Variants in ANO10 observed in about 807,000 individuals in gnomAD.
ANO10 encodes the protein anoctamin 10.
Under a neutral mutation model 74.7 loss-of-function variants are expected in ANO10, and 77 were observed. The observed-to-expected ratio is 1.03, with a 90% CI of 0.86 to 1.25. The LOEUF (loss-of-function observed/expected upper bound fraction) is 1.25, where lower values mean the gene tolerates loss of function less well. Among genes scored for constraint, ANO10 ranks in the 50% most tolerant of loss-of-function variants. The pLI, the probability that ANO10 is intolerant of heterozygous loss-of-function variation, is 0.00. For synonymous variants in ANO10, 279 were observed against 284.9 expected, an observed-to-expected ratio of 0.98 and a Z score of 0.21; for missense variants, 721 against 778.1, an observed-to-expected ratio of 0.93 and a Z score of 0.87.
chr3:43,633,362 T>C (rs2083570337), intron 1 of ANO10, among the ~76,000 whole-genome samples: 1 of 152,240 alleles, frequency 6.6e-6, no homozygotes, highest in South Asian at 2.1e-4. Flanking sequence ...ACTGTGTTTT[T>C]ACTGGAAACC....
intron 1 of ANO10, among the ~76,000 whole-genome samples, chr3:43,645,642 T>A (rs2083718855): frequency 6.6e-6 from 1 of 152,184 alleles, no homozygotes; most frequent in Non-Finnish European, 1.5e-5. Context: ...GACATGTGCA[T>A]GTGCAGGCTG....
intron 12 of ANO10, among the ~76,000 whole-genome samples, chr3:43,405,156 T>C (rs1427782578): frequency 6.6e-6 from 1 of 152,258 alleles, no homozygotes; most frequent in Non-Finnish European, 1.5e-5. Flanking sequence ...TTCCTGTGTG[T>C]TGCCTAGCTT....
At chr3:43,691,009 A>AGGAGGT in intron 1 of ANO10, 1 of 1,567,268 alleles carries the variant, frequency 6.4e-7, no homozygotes, top group South Asian at 1.2e-5. Context: ...GCGGAGGAGG[A>AGGAGGT]GGAGGTGGAC....
chr3:43,684,624 A>G (rs1304899711), intron 1 of ANO10, among the ~76,000 whole-genome samples: 5 of 152,204 alleles, frequency 3.3e-5, no homozygotes, highest in African/African-American at 9.7e-5. Flanking sequence ...GTAAAGACAC[A>G]TGCACACGTA....
At chr3:43,508,669 T>C (rs1468752303) in intron 11 of ANO10, among the ~76,000 whole-genome samples, 1 of 151,924 alleles carries the variant, frequency 6.6e-6, no homozygotes, top group Non-Finnish European at 1.5e-5. Context: ...CTGGGAACCA[T>C]CATTCTGAGC....
rs551075336 is a variant in ANO10, at chr3:43,682,304, G to T, written c.-12+9213C>A. On this transcript the variant is annotated intron_variant, in intron 1 of 3. Coordinates refer to the ANO10 transcript ENST00000413397. ...CCATCAGAGAATAATATAAACACCC[G>T]TATGCAAATAAACTAGAAAATCTAG... is the stretch of plus-strand genomic sequence containing the variant. Among the ~76,000 whole-genome samples, 5 of 152,084 alleles carry T rather than the reference G, an allele frequency of 3.3e-5. No individual in the cohort carries two copies. In the South Asian group the frequency reaches 1.0e-3, roughly 32 times the overall value.
Position 43,595,133 on chromosome 3 carries a change from C to T in ANO10, c.472+3399G>A, listed in dbSNP as rs192447067. 4.8e-3 allele frequency among the ~76,000 whole-genome samples: 729 copies of T among 152,186 alleles called. 6 individuals are homozygous for T. Among genetic ancestry groups the T allele is most frequent in the South Asian group, 7.9e-3 (38 of 4,814 alleles). On this transcript the variant is annotated intron_variant, in intron 4 of 12. Transcript: ENST00000292246. ...GAGGCAACAATTAAGAGACTACCAA[C>T]CAAAAAAAGTCCAGGACCAGACAGA...
At chr3:43,677,484 G>C (rs1019572245) in intron 1 of ANO10, among the ~76,000 whole-genome samples, 5 of 152,202 alleles carry the variant, frequency 3.3e-5, no homozygotes, top group Non-Finnish European at 7.3e-5. Context: ...TCAATGCATC[G>C]TGTGAAGGTG....
chr3:43,586,860 C>T (rs901832882), intron 4 of ANO10, among the ~76,000 whole-genome samples: 3 of 151,444 alleles, frequency 2.0e-5, no homozygotes, highest in Non-Finnish European at 4.4e-5. Flanking sequence ...ATAAAAGCAA[C>T]AAAAAAAGGA....
intron 11 of ANO10, among the ~76,000 whole-genome samples, chr3:43,460,988 G>A (rs567272843): frequency 1.3e-5 from 2 of 149,976 alleles, no homozygotes; most frequent in African/African-American, 2.4e-5. Flanking sequence ...AACTAAGAAG[G>A]GGCTAGAAAA....
intron 12 of ANO10, among the ~76,000 whole-genome samples, chr3:43,370,940 G>GGCCATGGTGGACTCCATAGACTTGTGATA (rs2091587982): frequency 2.0e-5 from 3 of 152,102 alleles, no homozygotes; most frequent in Non-Finnish European, 4.4e-5. Flanking sequence ...GACCTGGAAT[G>GGCCATGGTGGACTCCATAGACTTGTGATA]GCCATGGTGG....
chr3:43,557,894 C>A (rs2079836303), intron 9 of ANO10, among the ~76,000 whole-genome samples: 1 of 151,458 alleles, frequency 6.6e-6, no homozygotes, highest in African/African-American at 2.4e-5. Flanking sequence ...TGCTTAAATC[C>A]AGGAGTTCAA....
chr3:43,518,789 G>A (rs570633786), intron 11 of ANO10, among the ~76,000 whole-genome samples: 50 of 152,202 alleles, frequency 3.3e-4, no homozygotes, highest in African/African-American at 1.0e-3. Context: ...TAGTCAGACC[G>A]GTTGTCTGCT....
intron 11 of ANO10, among the ~76,000 whole-genome samples, chr3:43,507,027 A>AT (rs2077321806): frequency 6.6e-6 from 1 of 152,196 alleles, no homozygotes; most frequent in Admixed American, 6.6e-5. Context: ...GTAGGTGCTA[A>AT]TATATCTTTA....
Position 43,561,250 on chromosome 3 carries a change from G to A in ANO10, c.1446C>T (p.Val482=). 1 of 1,614,100 alleles carries A rather than the reference G, an allele frequency of 6.2e-7. No homozygotes were observed. Among genetic ancestry groups the A allele is most frequent in the Non-Finnish European group, 8.5e-7 (1 of 1,180,000 alleles). ...ADIDATLYEQ[V]ILEKEMGTYL... The stretch of plus-strand genomic sequence containing the variant: ...AAGTTCCCATTTCTTTTTCCAGGAT[G>A]ACTTGTTCATATAATGTAGCATCAA... Residue 482 remains valine (V), a synonymous_variant, in exon 9 of 13, where the codon GTC becomes GTT. Transcript: ENST00000292246.
At chr3:43,577,358 TC>T in intron 5 of ANO10, 97 bp from the exon 6 acceptor site, 1 of 1,206,146 alleles carries the variant, frequency 8.3e-7, no homozygotes, top group Non-Finnish European at 1.2e-6. Context: ...TAAGTGGGGA[TC>T]ATTCAACCCT....
In ANO10 at chr3:43,670,782, G is replaced by A. The variant is rs535765056; in HGVS notation, c.-12+20735C>T. Among the ~76,000 whole-genome samples the A allele has an allele frequency of 2.0e-5, 3 of 152,256 alleles. 1 individual carries two copies. The highest frequency in any genetic ancestry group is 7.2e-5 in the African/African-American group (3 of 41,536). On this transcript the variant is annotated intron_variant, in intron 1 of 3. Transcript: ENST00000413397. ...TTCCATACTAGAGCCAACAAAATTA[G>A]TCTTGTCAGTTTCATAGACAGCCAC...
intron 11 of ANO10, among the ~76,000 whole-genome samples, chr3:43,435,311 C>A (rs548197810): frequency 6.6e-6 from 1 of 151,934 alleles, no homozygotes; most frequent in Non-Finnish European, 1.5e-5. Flanking sequence ...GAGTTCAAGA[C>A]CAGCCTGGAC....
chr3:43,442,407 A>C (rs555042703), intron 11 of ANO10, among the ~76,000 whole-genome samples: 36 of 152,274 alleles, frequency 2.4e-4, no homozygotes, highest in African/African-American at 8.7e-4. Context: ...TGAAAAGGAA[A>C]TTGAGAACTC....
Sources: allele counts gnomAD v4.1 joint callset (sites outside exome capture counted in the v4.1 genomes callset), GRCh38; gene constraint gnomAD v4.1.1; transcripts MANE v1.5; gene names NCBI Gene and HGNC (gene_info 2026-07-23, HGNC 2026-07-21).